MDFIC: variants seen among roughly 807,000 people sequenced by gnomAD.
The protein encoded by MDFIC is myoD family inhibitor domain-containing protein.
MDFIC carries 17 observed loss-of-function variants against 23.2 expected under a neutral mutation model. The ratio of observed to expected loss-of-function variants is 0.73; its 90% CI spans 0.50 to 1.10. The LOEUF (loss-of-function observed/expected upper bound fraction) is 1.10. MDFIC is among the 50% of genes least tolerant of loss of function. MDFIC has a pLI of 0.00. For synonymous variants in MDFIC, 120 were observed against 115.2 expected (o/e 1.04, Z -0.27); for missense variants, 356 against 316.6 (o/e 1.12, Z -0.95).
chr7:114,933,705 T>C (rs1352422679), intron 2 of MDFIC, among the ~76,000 whole-genome samples: 1 of 152,186 alleles, frequency 6.6e-6, no homozygotes, highest in East Asian at 1.9e-4. Flanking sequence ...TAAGAGTGAT[T>C]AGAATGTGAT....
intron 4 of MDFIC, among the ~76,000 whole-genome samples, chr7:114,991,786 T>C (rs1791169669): frequency 6.6e-6 from 1 of 152,244 alleles, no homozygotes; most frequent in South Asian, 2.1e-4. Flanking sequence ...GGTAACGTGA[T>C]GCCTCCAGCT....
chr7:114,992,500 T>C lies in MDFIC; in HGVS notation c.493+12719T>C, dbSNP rs546152682. ...TGGCTGTGGGTTTGTCATAAATAGC[T>C]CTTATTATTTTGAGATATGTCCCAG... On this transcript the variant is annotated intron_variant, in intron 4 of 4. Coordinates refer to ENST00000393486, the MANE Select transcript of MDFIC (RefSeq NM_001166345.3). 1.3e-3 allele frequency among the ~76,000 whole-genome samples: 192 copies of C among 152,134 alleles called. 1 individual carries two copies. The highest frequency in any genetic ancestry group is 4.3e-3 in the African/African-American group (180 of 41,540).
In MDFIC at chr7:115,016,330, T is replaced by C. The variant is rs1791794382; in HGVS notation, c.*395T>C. ...GTTTATTTTGATATGTATCTATTCA[T>C]GATTGAAAGGAAGCAGTCTTGGCCA... On this transcript the variant is annotated 3_prime_UTR_variant, in exon 5 of 5. Coordinates refer to ENST00000393486, the MANE Select transcript of MDFIC (RefSeq NM_001166345.3). The C allele has an allele frequency of 5.3e-6, 1 of 188,778 alleles. No homozygotes were observed. Among genetic ancestry groups the C allele is most frequent in the Non-Finnish European group, 1.1e-5 (1 of 90,364 alleles). 11.7% of individuals were successfully genotyped at this position (188,778 alleles called of 1,614,324 possible).
intron 2 of MDFIC, among the ~76,000 whole-genome samples, chr7:114,941,126 T>C (rs1363692299): frequency 1.3e-5 from 2 of 152,288 alleles, no homozygotes; most frequent in African/African-American, 4.8e-5. Flanking sequence ...GTTTGTTTGT[T>C]TTTTAGTTCT....
At chr7:114,957,839 G>C (rs956960259) in intron 3 of MDFIC, among the ~76,000 whole-genome samples, 6 of 152,088 alleles carry the variant, frequency 3.9e-5, no homozygotes, top group Non-Finnish European at 8.8e-5. Flanking sequence ...ATATTTATAG[G>C]CCTGCTAGGA....
intron 4 of MDFIC, among the ~76,000 whole-genome samples, chr7:114,991,336 A>C (rs1473745754): frequency 1.3e-5 from 2 of 152,134 alleles, no homozygotes; most frequent in Non-Finnish European, 2.9e-5. Flanking sequence ...TTTGCTGTGC[A>C]GAAGCTCTTT....
At chr7:114,989,216 G>T (rs1273054300) in intron 4 of MDFIC, among the ~76,000 whole-genome samples, 7 of 152,114 alleles carry the variant, frequency 4.6e-5, no homozygotes, top group Non-Finnish European at 7.3e-5. Context: ...AAGAGGAAGA[G>T]AACTATATCA....
At chr7:114,945,496 G>A (rs1297080317) in intron 3 of MDFIC, among the ~76,000 whole-genome samples, 2 of 152,178 alleles carry the variant, frequency 1.3e-5, no homozygotes, top group Admixed American at 1.3e-4. Context: ...AGAAAACATT[G>A]CAGGTGGAAG....
At chr7:114,988,244 T>C (rs1355399225) in intron 4 of MDFIC, among the ~76,000 whole-genome samples, 1 of 152,188 alleles carries the variant, frequency 6.6e-6, no homozygotes, top group East Asian at 1.9e-4. Flanking sequence ...ACAGATAGAT[T>C]GGCCAGGAAG....
rs766475944 is a variant in MDFIC at position 114,922,515 on chromosome 7, C to T, written c.-229C>T. On this transcript the variant is annotated 5_prime_UTR_variant, in exon 1 of 5. Coordinates refer to ENST00000393486, the MANE Select transcript of MDFIC (RefSeq NM_001166345.3). ...CGGGAGGACGCGCAGGGGCGGCCGCCGCCGTCGTCAGGCCACCGGGGCGAA... is the reference window on the plus strand; with the variant it reads ...CGGGAGGACGCGCAGGGGCGGCCGCTGCCGTCGTCAGGCCACCGGGGCGAA... 1.6e-6 allele frequency: 2 copies of T among 1,258,782 alleles called. No homozygotes were observed. The highest frequency in any genetic ancestry group is 2.0e-6 in the Non-Finnish European group (2 of 995,756). 78.0% of individuals were successfully genotyped at this position (1,258,782 alleles called of 1,614,324 possible).
chr7:114,927,010 G>A (rs572318417), intron 2 of MDFIC, among the ~76,000 whole-genome samples: 1 of 152,138 alleles, frequency 6.6e-6, no homozygotes, highest in Non-Finnish European at 1.5e-5. Context: ...TTTGGTGGTC[G>A]TAATGGGGGT....
intron 3 of MDFIC, among the ~76,000 whole-genome samples, chr7:114,948,142 T>C (rs1238095183): frequency 2.0e-5 from 3 of 152,174 alleles, no homozygotes; most frequent in African/African-American, 7.2e-5. Flanking sequence ...GAAGAGATGC[T>C]TTACCTACCT....
At chr7:115,008,011 C>T (rs73719561) in intron 4 of MDFIC, among the ~76,000 whole-genome samples, 1,586 of 151,862 alleles carry the variant, frequency 0.01, 21 homozygotes, top group African/African-American at 0.036. Context: ...ACTTCCTAGA[C>T]TTTGTAAAAT....
intron 4 of MDFIC, among the ~76,000 whole-genome samples, chr7:114,995,591 G>T (rs926848740): frequency 6.6e-6 from 1 of 152,188 alleles, no homozygotes; most frequent in Admixed American, 6.5e-5. Context: ...CAGGTCTGTT[G>T]GAGTTTGCTG....
intron 3 of MDFIC, among the ~76,000 whole-genome samples, chr7:114,972,311 T>C (rs1793220026): frequency 6.6e-6 from 1 of 152,174 alleles, no homozygotes; most frequent in African/African-American, 2.4e-5. Flanking sequence ...ACATTACTCC[T>C]GATACAAAGG....
chr7:114,964,491 CTCCCCTTCCCTTCCCTTCCCT>C (rs1793055332), intron 3 of MDFIC, among the ~76,000 whole-genome samples: 2 of 112,232 alleles, frequency 1.8e-5, no homozygotes, highest in Admixed American at 1.1e-4. Flanking sequence ...CTCCCCTCCC[CTCCCCTTCCCTTCCCTTCCCT>C]TTCCTTCCCT....
In MDFIC at chr7:114,961,770, A is replaced by G. The variant is rs181765369; in HGVS notation, c.218-17736A>G. On this transcript the variant is annotated intron_variant, in intron 3 of 4. Coordinates refer to ENST00000393486, the MANE Select transcript of MDFIC (RefSeq NM_001166345.3). ...GAAGATCTCATGAGAACTCACTATC[A>G]TGAGAATAGCAAGGGGGAAATTTGC... Among the ~76,000 whole-genome samples the G allele has an allele frequency of 5.2e-4, 79 of 152,256 alleles. 2 individuals are homozygous for G. Among genetic ancestry groups the G allele is most frequent in the Non-Finnish European group, 8.7e-4 (59 of 68,014 alleles).
chr7:114,923,016 G>T lies in MDFIC; in HGVS notation c.-18G>T. 1 of 1,457,512 alleles carries T rather than the reference G, an allele frequency of 6.9e-7. No homozygotes were observed. The highest frequency in any genetic ancestry group is 9.1e-7 in the Non-Finnish European group (1 of 1,102,254). The allele number at this position is 1,457,512 out of a possible 1,614,324, so 90.3% of individuals were successfully genotyped here. On this transcript the variant is annotated 5_prime_UTR_variant, in exon 2 of 5. Coordinates refer to ENST00000393486, the MANE Select transcript of MDFIC (RefSeq NM_001166345.3). ...AGCTAGGCGGCAGCGGCGCGGCGCG[G>T]GCTCGGCGGAGCGGCCCATGTCCGG...
intron 4 of MDFIC, among the ~76,000 whole-genome samples, chr7:114,980,690 A>G (rs961168283): frequency 6.6e-6 from 1 of 152,158 alleles, no homozygotes; most frequent in African/African-American, 2.4e-5. Flanking sequence ...AATCTGTTAT[A>G]TGTATCTGAT....
Sources: allele counts gnomAD v4.1 joint callset (sites outside exome capture counted in the v4.1 genomes callset), GRCh38; gene constraint gnomAD v4.1.1; transcripts MANE v1.5; gene names NCBI Gene and HGNC (gene_info 2026-07-23, HGNC 2026-07-21).